The following NME2 variants were observed in gnomAD, a reference collection of about 807,000 sequenced individuals.
NME2 encodes nucleoside diphosphate kinase B.
NME2 carries 18 observed loss-of-function variants against 17.8 expected under a neutral mutation model. That is an observed-to-expected ratio of 1.01 (90% CI 0.70 to 1.50). The LOEUF is 1.50. NME2 is among the 40% of genes most tolerant of loss of function. The probability of loss-of-function intolerance (pLI) is 0.00; values close to 1 mark genes in which losing one functional copy is unlikely to be tolerated. For missense variants in NME2, 161 were observed against 195.6 expected (o/e 0.82, Z 1.05); for synonymous variants, 74 against 71.4 (o/e 1.04, Z -0.19).
chr17:51,170,527 C>A (rs1333099450), intron 4 of NME2, among the ~76,000 whole-genome samples: 2 of 151,816 alleles, frequency 1.3e-5, no homozygotes, highest in African/African-American at 2.4e-5. Context: ...GGGGTTTACG[C>A]CTGTAATCCC....
chr17:51,169,770 C>G, intron 3 of NME2, 167 bp from the exon 4 acceptor site: 2 of 576,448 alleles, frequency 3.5e-6, no homozygotes, highest in East Asian at 3.4e-5. Context: ...CCTAGCAATA[C>G]GTTTGGAATG....
At chr17:51,170,709 C>T (rs1598253682) in intron 4 of NME2, among the ~76,000 whole-genome samples, 1 of 150,818 alleles carries the variant, frequency 6.6e-6, no homozygotes, top group East Asian at 2.0e-4. Flanking sequence ...ATCGCTTGAA[C>T]CTGGGAGGTG....
At chr17:51,166,115 CTGTGTGTGTGTG>C (rs34942810), upstream of NME2, among the ~76,000 whole-genome samples, 2 of 148,968 alleles carry the variant, frequency 1.3e-5, no homozygotes, top group East Asian at 2.0e-4. Flanking sequence ...GGAGCAGGTT[CTGTGTGTGTGTG>C]TGTGTGTGTG....
At position 51,166,447 on chromosome 17, in the gene NME2, G is replaced by A. The variant is rs1019453812; in HGVS notation, c.-55G>A. 62 of 156,278 alleles carry A rather than the reference G, an allele frequency of 4.0e-4. No individual in the cohort carries two copies. The highest frequency in any genetic ancestry group is 8.0e-4 in the Non-Finnish European group (57 of 71,104). The allele number at this position is 156,278 out of a possible 1,614,324, so 9.7% of individuals were successfully genotyped here. On this transcript the variant is annotated 5_prime_UTR_variant, in exon 1 of 5. Coordinates refer to ENST00000512737, the MANE Select transcript of NME2 (RefSeq NM_002512.4). Reference sequence around the variant, plus strand: ...GCTCCCGGGTGTGGTGGTCGCACCAGCTCTCTGCTCTCCCAGCGCAGCGCC... The same window carrying A: ...GCTCCCGGGTGTGGTGGTCGCACCAACTCTCTGCTCTCCCAGCGCAGCGCC...
At chr17:51,171,138 A>G (rs571864033) in intron 4 of NME2, among the ~76,000 whole-genome samples, 6 of 152,342 alleles carry the variant, frequency 3.9e-5, no homozygotes, top group African/African-American at 1.4e-4. Flanking sequence ...TAATGAACAC[A>G]TCATATCTAG....
In NME2 at chr17:51,169,951, G is replaced by A; in HGVS notation, c.243G>A (p.Leu81=). 1 of 1,613,574 alleles carries A rather than the reference G, an allele frequency of 6.2e-7. No homozygotes were observed. Among genetic ancestry groups the A allele is most frequent in the Non-Finnish European group, 8.5e-7 (1 of 1,179,812 alleles). The change falls in exon 4 of 5, where the codon CTG becomes CTA. Residue 81 remains leucine, a synonymous_variant. Transcript: ENST00000512737. Reference sequence around the variant, plus strand: ...ACACTTTCGAGGTCTGGGAGGGGCTGAACGTGGTGAAGACAGGCCGAGTGA... The same window carrying A: ...ACACTTTCGAGGTCTGGGAGGGGCTAAACGTGGTGAAGACAGGCCGAGTGA... ...GPVVAMVWEG[L]NVVKTGRVML...
chr17:51,166,783 C>T, intron 1 of NME2, 44 bp from the exon 2 acceptor site: 1 of 1,550,162 alleles, frequency 6.5e-7, no homozygotes, highest in Non-Finnish European at 8.7e-7. Context: ...GCGGGCCCCG[C>T]CAGAGCCTGC....
chr17:51,170,142 CT>C (rs112707943), intron 4 of NME2, 93 bp downstream of exon 4: 109,161 of 608,730 alleles, frequency 0.18, 2,530 homozygotes, highest in African/African-American at 0.35. Flanking sequence ...AATCTGTGCC[CT>C]TTTTTTTTTT....
intron 4 of NME2, 51 bp from the exon 5 acceptor site, chr17:51,171,436 C>T (rs752421520): frequency 6.4e-7 from 1 of 1,556,118 alleles, no homozygotes; most frequent in Non-Finnish European, 8.8e-7. Flanking sequence ...ACCCATTAAA[C>T]AGACTTTTGC....
chr17:51,168,931 C>A (rs2050008023), intron 3 of NME2, among the ~76,000 whole-genome samples: 1 of 152,092 alleles, frequency 6.6e-6, no homozygotes, highest in African/African-American at 2.4e-5. Context: ...CCACTGCACT[C>A]CAGCCTGGGC....
chr17:51,170,866 A>G (rs1417782217), intron 4 of NME2, among the ~76,000 whole-genome samples: 3 of 151,928 alleles, frequency 2.0e-5, no homozygotes, highest in African/African-American at 4.8e-5. Flanking sequence ...CAAGGGAGCC[A>G]TAAGTGGTAA....
In NME2 at chr17:51,170,787, CAAA is replaced by C. The variant is rs34260519; in HGVS notation, c.342-684_342-682del. 2.1e-3 allele frequency among the ~76,000 whole-genome samples: 133 copies of C among 64,332 alleles called. 2 individuals carry two copies. Among genetic ancestry groups the C allele is most frequent in the African/African-American group, 4.9e-3 (116 of 23,690 alleles). The allele number at this position is 64,332 out of a possible 152,430, so 42.2% of individuals were successfully genotyped here. ...GGGCAACAAGAACAAAACTCCGTCTCAAAAAAAAAAAAAAAAAAGCTTTCACAC... is the reference window on the plus strand; with the variant it reads ...GGGCAACAAGAACAAAACTCCGTCTCAAAAAAAAAAAAAAAGCTTTCACAC... On this transcript the variant is annotated intron_variant, in intron 4 of 4. Transcript: ENST00000512737.
intron 2 of NME2, chr17:51,167,176 C>A: frequency 2.8e-6 from 3 of 1,056,864 alleles, no homozygotes; most frequent in Non-Finnish European, 3.8e-6. Flanking sequence ...GCGTGACTCG[C>A]CCTCCGGGTT....
Position 51,168,303 on chromosome 17 carries a change from G to T in NME2, c.188G>T (p.Gly63Val). 6.2e-7 allele frequency: 1 copy of T among 1,613,972 alleles called. No individual in the cohort carries two copies. Among genetic ancestry groups the T allele is most frequent in the Non-Finnish European group, 8.5e-7 (1 of 1,179,940 alleles). ...CTGAAAGACCGACCATTCTTCCCTG[G>T]GCTGGTGAAGTACATGAACTCAGGG... ...IDLKDRPFFP[G>V]LVKYMNSGPV... The change falls in exon 3 of 5, where the codon GGG (glycine) becomes GTG (valine). Residue 63 changes from glycine (G) to valine (V), a missense_variant. Transcript: ENST00000512737.
chr17:51,167,034 G>C (rs867082303), intron 2 of NME2, 78 bp downstream of exon 2: 3 of 1,606,484 alleles, frequency 1.9e-6, no homozygotes, highest in East Asian at 4.5e-5. Flanking sequence ...GTTTGTCCGC[G>C]TCTGCTTTCC....
At chr17:51,171,388 A>G (rs1022756120) in intron 4 of NME2, 99 bp from the exon 5 acceptor site, 2 of 977,516 alleles carry the variant, frequency 2.0e-6, no homozygotes, top group African/African-American at 3.3e-5. Flanking sequence ...TCAAGTGGCA[A>G]TTTGGCTGAA....
At chr17:51,166,123 G>A (rs928462140), upstream of NME2, among the ~76,000 whole-genome samples, 2 of 140,026 alleles carry the variant, frequency 1.4e-5, no homozygotes, top group Non-Finnish European at 3.0e-5. Flanking sequence ...TTCTGTGTGT[G>A]TGTGTGTGTG....
At chr17:51,170,510 C>T (rs1234090811) in intron 4 of NME2, among the ~76,000 whole-genome samples, 2 of 151,728 alleles carry the variant, frequency 1.3e-5, no homozygotes, top group Non-Finnish European at 2.9e-5. Flanking sequence ...TAAAAGCTTT[C>T]AGGCCAGGGG....
At chr17:51,171,421 G>A in intron 4 of NME2, 66 bp from the exon 5 acceptor site, 2 of 1,411,682 alleles carry the variant, frequency 1.4e-6, no homozygotes, top group Non-Finnish European at 2.0e-6. Context: ...GCTGTCCATT[G>A]CGGTACCCAT....
Sources: allele counts gnomAD v4.1 joint callset (sites outside exome capture counted in the v4.1 genomes callset), GRCh38; gene constraint gnomAD v4.1.1; transcripts MANE v1.5; gene names NCBI Gene and HGNC (gene_info 2026-07-23, HGNC 2026-07-21).